Variants in SLC14A2 observed in about 807,000 individuals in gnomAD.
SLC14A2 encodes the protein solute carrier family 14 member 2, also known as urea transporter 2.
A neutral mutation model predicts 104.6 loss-of-function variants in SLC14A2; 91 were observed. The ratio of observed to expected loss-of-function variants is 0.87; its 90% CI spans 0.73 to 1.04. The LOEUF (loss-of-function observed/expected upper bound fraction) is 1.04. Ranked by LOEUF, SLC14A2 falls within the 50% of genes least tolerant of loss-of-function variation. SLC14A2 has a pLI of 0.00. For synonymous variants in SLC14A2, 476 were observed against 466.4 expected (o/e 1.02, Z -0.27); for missense variants, 1,189 against 1,156.0 (o/e 1.03, Z -0.41).
chr18:45,290,499 A>T (rs2084858621), intron 1 of SLC14A2, among the ~76,000 whole-genome samples: 1 of 152,064 alleles, frequency 6.6e-6, no homozygotes. Context: ...GGGTTAGGAG[A>T]TGTGGGTTCT....
At chr18:45,524,254 G>A (rs369168209) in intron 2 of SLC14A2, among the ~76,000 whole-genome samples, 1 of 152,220 alleles carries the variant, frequency 6.6e-6, no homozygotes, top group South Asian at 2.1e-4. Flanking sequence ...TGCATGGAGA[G>A]TGTATTTTAT....
intron 1 of SLC14A2, among the ~76,000 whole-genome samples, chr18:45,383,352 A>G (rs561158095): frequency 7.2e-5 from 11 of 152,310 alleles, no homozygotes; most frequent in Admixed American, 6.5e-4. Context: ...TAGTGACCCT[A>G]TGGAATCTCC....
chr18:45,221,809 A>G (rs2084065169), intron 1 of SLC14A2, among the ~76,000 whole-genome samples: 1 of 151,948 alleles, frequency 6.6e-6, no homozygotes, highest in South Asian at 2.1e-4. Flanking sequence ...GTCAGCAAAG[A>G]CTTCACATAG....
chr18:45,644,323 T>C (rs2045583625), intron 10 of SLC14A2, 163 bp downstream of exon 10: 6 of 585,954 alleles, frequency 1.0e-5, no homozygotes, highest in Non-Finnish European at 1.8e-5. Context: ...CTGAAGCTGA[T>C]TTTCATTCTC....
At chr18:45,631,885 C>A (rs1318834870) in intron 4 of SLC14A2, among the ~76,000 whole-genome samples, 1 of 152,194 alleles carries the variant, frequency 6.6e-6, no homozygotes, top group Non-Finnish European at 1.5e-5. Context: ...TCCCAAAGTG[C>A]AGGGATTACA....
chr18:45,552,647 T>G (rs1185755524), intron 2 of SLC14A2, among the ~76,000 whole-genome samples: 1 of 151,430 alleles, frequency 6.6e-6, no homozygotes, highest in African/African-American at 2.4e-5. Flanking sequence ...GGAGGAAGAG[T>G]GTCATGGCAG....
the SLC14A2 span, among the ~76,000 whole-genome samples, chr18:45,179,125 C>A: frequency 6.6e-6 from 1 of 152,186 alleles, no homozygotes; most frequent in Non-Finnish European, 1.5e-5. Flanking sequence ...GAGTTTGCTT[C>A]CTCTTTAGCC....
At chr18:45,179,873 C>T in the SLC14A2 span, 2 of 151,670 alleles carry the variant, frequency 1.3e-5, no homozygotes, top group Admixed American at 6.6e-5. Flanking sequence ...GGGCTGGGCA[C>T]AATGGCTCAT....
chr18:45,192,781 C>G, the SLC14A2 span, among the ~76,000 whole-genome samples: 1 of 151,940 alleles, frequency 6.6e-6, no homozygotes, highest in Non-Finnish European at 1.5e-5. Flanking sequence ...CTCAGCCTCC[C>G]GAGTAGCTGG....
At chr18:45,371,366 C>T (rs1307035897) in intron 1 of SLC14A2, among the ~76,000 whole-genome samples, 4 of 152,136 alleles carry the variant, frequency 2.6e-5, no homozygotes, top group East Asian at 1.9e-4. Context: ...TCTTTTCACC[C>T]ACATAATATC....
intron 10 of SLC14A2, chr18:45,646,317 G>A (rs1398045940): frequency 6.7e-6 from 1 of 149,056 alleles, no homozygotes; most frequent in Admixed American, 6.6e-5. Flanking sequence ...AAGATCAGGT[G>A]GTCCGATCCC....
chr18:45,665,479 T>G (rs1025008259), intron 11 of SLC14A2, among the ~76,000 whole-genome samples: 11 of 152,090 alleles, frequency 7.2e-5, no homozygotes, highest in Non-Finnish European at 1.6e-4. Flanking sequence ...CTTCAAGAGA[T>G]TACATGGATG....
At chr18:45,217,778 G>C (rs2084024113) in intron 1 of SLC14A2, among the ~76,000 whole-genome samples, 1 of 152,134 alleles carries the variant, frequency 6.6e-6, no homozygotes, top group Admixed American at 6.6e-5. Flanking sequence ...ATATTCAAAA[G>C]TTAACATGCT....
chr18:45,379,280 G>A (rs1044655958), intron 1 of SLC14A2, among the ~76,000 whole-genome samples: 1 of 152,140 alleles, frequency 6.6e-6, no homozygotes, highest in East Asian at 1.9e-4. Context: ...TGTTAAAAAG[G>A]CAATTCCTAT....
chr18:45,282,979 T>C (rs1330336240), intron 1 of SLC14A2, among the ~76,000 whole-genome samples: 1 of 152,190 alleles, frequency 6.6e-6, no homozygotes, highest in African/African-American at 2.4e-5. Context: ...AGAAATACCA[T>C]CAACAGTGAT....
intron 1 of SLC14A2, chr18:45,423,722 C>T (rs2086382346): frequency 6.6e-6 from 1 of 152,128 alleles, no homozygotes; most frequent in Admixed American, 6.6e-5. Context: ...TGACATCCAG[C>T]ATATCTAGTC....
intron 10 of SLC14A2, among the ~76,000 whole-genome samples, chr18:45,649,258 C>G (rs2045687046): frequency 6.6e-6 from 1 of 152,060 alleles, no homozygotes; most frequent in Non-Finnish European, 1.5e-5. Flanking sequence ...TGACAAGATA[C>G]CCCATTTCTC....
intron 2 of SLC14A2, among the ~76,000 whole-genome samples, chr18:45,580,447 G>A (rs1407543542): frequency 6.6e-6 from 1 of 152,170 alleles, no homozygotes; most frequent in Non-Finnish European, 1.5e-5. Context: ...TAGAGAGAGT[G>A]TGGGGAGGAG....
the SLC14A2 span, among the ~76,000 whole-genome samples, chr18:45,175,378 A>G: frequency 5.9e-5 from 9 of 151,940 alleles, no homozygotes; most frequent in African/African-American, 1.4e-4. Flanking sequence ...ATAATATACT[A>G]TATTTAGTGA....
Sources: allele counts gnomAD v4.1 joint callset (sites outside exome capture counted in the v4.1 genomes callset), GRCh38; gene constraint gnomAD v4.1.1; transcripts MANE v1.5; gene names NCBI Gene and HGNC (gene_info 2026-07-23, HGNC 2026-07-21).